The following LMO2 variants were observed in gnomAD, a reference collection of about 807,000 sequenced individuals.
LMO2 encodes rhombotin-2.
A neutral mutation model predicts 23.2 loss-of-function variants in LMO2; 20 were observed. The observed-to-expected ratio is 0.86, with a 90% CI of 0.61 to 1.25. LMO2 has a LOEUF of 1.25. Ranked by LOEUF, LMO2 falls within the 50% of genes most tolerant of loss-of-function variation. The pLI is 0.00. For missense variants in LMO2, 270 were observed against 315.3 expected, an observed-to-expected ratio of 0.86 and a Z score of 1.09; for synonymous variants, 123 against 130.2, an observed-to-expected ratio of 0.94 and a Z score of 0.38.
rs1856467554 is a variant in LMO2, at chr11:33,859,074, C to G, written c.*282G>C. ...ATCATGATAGCACAGCGCCTGCTTG[C>G]CCCTAAATGTTCCTTTCTTCTGCTA... On this transcript the variant is annotated 3_prime_UTR_variant, in exon 6 of 6. Coordinates refer to ENST00000257818, the MANE Select transcript of LMO2 (RefSeq NM_005574.4). 2.3e-6 allele frequency: 1 copy of G among 432,296 alleles called. No homozygotes were observed. Among genetic ancestry groups the G allele is most frequent in the East Asian group, 3.8e-5 (1 of 26,318 alleles). 26.8% of individuals were successfully genotyped at this position (432,296 alleles called of 1,614,324 possible).
chr11:33,869,844 G>A lies in LMO2; in HGVS notation c.-128C>T, dbSNP rs1590640708. The A allele has an allele frequency of 3.8e-6, 4 of 1,063,070 alleles. 1 individual carries two copies. The East Asian group carries it at 2.5e-4, about 67-fold the overall frequency. 65.9% of individuals were successfully genotyped at this position (1,063,070 alleles called of 1,614,324 possible). A position where few individuals can be genotyped will look rare whatever the true frequency, so the allele number is the denominator to read the frequency against. ...TCGCACCTTCGGCCCGGGTCGCGGC[G>A]CGCTGCTCGCCGCCGAGGGCAGAGA... On this transcript the variant is annotated 5_prime_UTR_variant, in exon 3 of 6. Transcript: ENST00000257818.
In LMO2 at chr11:33,869,752, G is replaced by A; in HGVS notation, c.-36C>T. 1 of 1,235,506 alleles carries A rather than the reference G, an allele frequency of 8.1e-7. No homozygotes were observed. The highest frequency in any genetic ancestry group is 1.0e-6 in the Non-Finnish European group (1 of 977,966). The allele number at this position is 1,235,506 out of a possible 1,614,324, so 76.5% of individuals were successfully genotyped here. A position where few individuals can be genotyped will look rare whatever the true frequency, so the allele number is the denominator to read the frequency against. ...CCGCCGCCACCGCCCGGTCCCTCTC[G>A]CGCGCTGTCGCCGGCTCCGCGCCGC... On this transcript the variant is annotated 5_prime_UTR_variant, in exon 3 of 6. Coordinates refer to ENST00000257818, the MANE Select transcript of LMO2 (RefSeq NM_005574.4).
rs74398268 is a variant in LMO2, at chr11:33,884,694, T to G, written c.-335-2807A>C. Among the ~76,000 whole-genome samples, 716 of 152,310 alleles carry G rather than the reference T, an allele frequency of 4.7e-3. 5 individuals carry two copies. Among genetic ancestry groups the G allele is most frequent in the African/African-American group, 0.016 (676 of 41,576 alleles). ...GTCCTAGGGAGTTCAGAGTACCACA[T>G]GTAGAATTTGGTTTCTGTTTGGTGG... On this transcript the variant is annotated intron_variant, in intron 1 of 5. Coordinates refer to ENST00000257818, the MANE Select transcript of LMO2 (RefSeq NM_005574.4).
At chr11:33,862,735 G>A (rs1231698460) in intron 5 of LMO2, among the ~76,000 whole-genome samples, 1 of 152,094 alleles carries the variant, frequency 6.6e-6, no homozygotes, top group Non-Finnish European at 1.5e-5. Flanking sequence ...CATCCCTGAC[G>A]CAAAAGACAA....
At chr11:33,888,983 C>G (rs1857479804) in intron 1 of LMO2, among the ~76,000 whole-genome samples, 1 of 152,198 alleles carries the variant, frequency 6.6e-6, no homozygotes, top group African/African-American at 2.4e-5. Context: ...AGCCAGGGTT[C>G]AAGTCTGACT....
chr11:33,869,761 C>A lies in LMO2; in HGVS notation c.-45G>T. ...CCGCCCGGTCCCTCTCGCGCGCTGT[C>A]GCCGGCTCCGCGCCGCCCGCGGGGA... On this transcript the variant is annotated 5_prime_UTR_variant, in exon 3 of 6. Coordinates refer to ENST00000257818, the MANE Select transcript of LMO2 (RefSeq NM_005574.4). 1 of 1,199,442 alleles carries A rather than the reference C, an allele frequency of 8.3e-7. No individual in the cohort carries two copies. Among genetic ancestry groups the A allele is most frequent in the South Asian group, 3.1e-5 (1 of 32,114 alleles). The allele number at this position is 1,199,442 out of a possible 1,614,324, so 74.3% of individuals were successfully genotyped here.
Position 33,869,569 on chromosome 11 carries a change from G to A in LMO2, c.25C>T (p.Leu9Phe), listed in dbSNP as rs969731236. 2.0e-4 allele frequency: 255 copies of A among 1,301,216 alleles called. 1 individual carries two copies. The highest frequency in any genetic ancestry group is 2.5e-4 in the Non-Finnish European group (252 of 1,011,892). The allele number at this position is 1,301,216 out of a possible 1,614,324, so 80.6% of individuals were successfully genotyped here. ...GGCGAGCTCGCCCCTCCGCGCTCAA[G>A]GACAGTCACCGCGCTCCCTTCAAAC... is the stretch of plus-strand genomic sequence containing the variant. Reference protein sequence around the residue: MEGSAVTVLERGGASSPAE... With the variant: MEGSAVTVFERGGASSPAE... Residue 9 changes from leucine to phenylalanine, a missense_variant, in exon 4 of 6, where the codon CTT becomes TTT. Leu to Phe is a conservative substitution (Grantham distance 22). Transcript: ENST00000257818.
At chr11:33,863,539 G>A (rs995471076) in intron 5 of LMO2, among the ~76,000 whole-genome samples, 1 of 152,220 alleles carries the variant, frequency 6.6e-6, no homozygotes, top group South Asian at 2.1e-4. Context: ...GTGTATCAGG[G>A]AAGCATGCTT....
chr11:33,881,963 T>G (rs896911914), intron 1 of LMO2, 76 bp from the exon 2 acceptor site: 1 of 152,642 alleles, frequency 6.6e-6, no homozygotes, highest in African/African-American at 2.4e-5. Context: ...AAAAAAATTC[T>G]TATCTTCAGT....
intron 5 of LMO2, 123 bp from the exon 6 acceptor site, chr11:33,859,698 G>A (rs997242606): frequency 2.9e-5 from 23 of 795,390 alleles, no homozygotes; most frequent in Non-Finnish European, 3.9e-5. Context: ...AGGGAAGGTC[G>A]GCTCCAGAAG....
chr11:33,870,276 A>G (rs1856977135), intron 2 of LMO2: 2 of 846,114 alleles, frequency 2.4e-6, no homozygotes, highest in Admixed American at 6.2e-5. Flanking sequence ...TGGTTTAACT[A>G]AGGCAGAAAG....
In LMO2 at chr11:33,864,697, G is replaced by A; in HGVS notation, c.369C>T (p.Cys123=). The change falls in exon 5 of 6, where the codon TGC becomes TGT. Residue 123 remains cysteine, a synonymous_variant. Coordinates refer to ENST00000257818, the MANE Select transcript of LMO2 (RefSeq NM_005574.4). This position sits in a 1 kb window ranked among gnomAD's most constrained non-coding sequence, Gnocchi z 4.8. ...KAIDQYWHED[C]LSCDLCGCRL... ...GGCAGCCACAGAGGTCGCAGCTCAG[G>A]CAGTCCTCGTGCCAGTACTGGTCGA... The A allele has an allele frequency of 1.9e-6, 3 of 1,614,094 alleles. No individual in the cohort carries two copies. The highest frequency in any genetic ancestry group is 2.5e-6 in the Non-Finnish European group (3 of 1,180,046).
At chr11:33,862,148 G>A (rs898144123) in intron 5 of LMO2, among the ~76,000 whole-genome samples, 11 of 152,208 alleles carry the variant, frequency 7.2e-5, no homozygotes, top group African/African-American at 1.7e-4. Context: ...CAGCAGGGGA[G>A]GCTGGAGGGA....
At chr11:33,863,530 TG>T (rs1389826173) in intron 5 of LMO2, among the ~76,000 whole-genome samples, 1 of 152,210 alleles carries the variant, frequency 6.6e-6, no homozygotes, top group African/African-American at 2.4e-5. Context: ...ATGGTCCTGG[TG>T]TATCAGGGAA....
rs567617555 is a variant in LMO2, at chr11:33,867,256, T to C, written c.248+2090A>G. On this transcript the variant is annotated intron_variant, in intron 4 of 5. Transcript: ENST00000257818. Reference sequence around the variant, plus strand: ...AGCTAGGCAAGTCTCCATCTGTAATTTGGAGATGCTGATTGTAATGACCCA... The same window carrying C: ...AGCTAGGCAAGTCTCCATCTGTAATCTGGAGATGCTGATTGTAATGACCCA... Among the ~76,000 whole-genome samples the C allele has an allele frequency of 7.2e-5, 11 of 152,164 alleles. No homozygotes were observed. In the South Asian group the frequency reaches 1.9e-3, roughly 26 times the overall value.
intron 4 of LMO2, among the ~76,000 whole-genome samples, chr11:33,866,660 T>C (rs1856796629): frequency 6.6e-6 from 1 of 151,776 alleles, no homozygotes. Flanking sequence ...GTTTGTTTGT[T>C]TTGAGACACA....
chr11:33,873,344 G>A (rs1479894356), intron 2 of LMO2, among the ~76,000 whole-genome samples: 2 of 152,104 alleles, frequency 1.3e-5, no homozygotes, highest in East Asian at 3.9e-4. Flanking sequence ...ATTTGAAATG[G>A]TATCTTAAGA....
At chr11:33,890,388 G>A (rs115636242) in intron 1 of LMO2, among the ~76,000 whole-genome samples, 1,848 of 152,176 alleles carry the variant, frequency 0.012, 41 homozygotes, top group African/African-American at 0.043. Context: ...GGAGTTTCTC[G>A]TCACCCAGGC....
At position 33,858,795 on chromosome 11, in the gene LMO2, T is replaced by C. The variant is rs1216553942; in HGVS notation, c.*561A>G. 1 of 224,198 alleles carries C rather than the reference T, an allele frequency of 4.5e-6. No individual in the cohort carries two copies. The highest frequency in any genetic ancestry group is 8.9e-6 in the Non-Finnish European group (1 of 112,656). 13.9% of individuals were successfully genotyped at this position (224,198 alleles called of 1,614,324 possible). A position where few individuals can be genotyped will look rare whatever the true frequency, so the allele number is the denominator to read the frequency against. On this transcript the variant is annotated 3_prime_UTR_variant, in exon 6 of 6. Coordinates refer to ENST00000257818, the MANE Select transcript of LMO2 (RefSeq NM_005574.4). ...ATAATTGTTTGGTTAAAAGTTGTGG[T>C]TTCCATTCTCAACCGAAATGCGTCT...
Sources: gnomAD v4.1 joint callset for allele counts (sites outside exome capture counted in the v4.1 genomes callset) on GRCh38, gnomAD v4.1.1 for gene constraint, Gnocchi (gnomAD v3.1) non-coding constraint, MANE v1.5 for transcripts, NCBI Gene and HGNC (gene_info 2026-07-23, HGNC 2026-07-21) for gene names.